JAK1: variants seen among roughly 807,000 people sequenced by gnomAD.
JAK1 encodes tyrosine-protein kinase JAK1.
JAK1 carries 16 observed loss-of-function variants against 136.6 expected under a neutral mutation model. That is an observed-to-expected ratio of 0.12 (90% CI 0.08 to 0.18). The LOEUF is 0.18. Ranked by LOEUF, JAK1 falls within the 10% of genes least tolerant of loss-of-function variation. The pLI is 1.00. For synonymous variants in JAK1, 492 were observed against 519.5 expected (o/e 0.95, Z 0.72); for missense variants, 859 against 1,450.1 (o/e 0.59, Z 6.62).
chr1:64,994,767 T>G (rs1646688799), intron 2 of JAK1, among the ~76,000 whole-genome samples: 1 of 152,012 alleles, frequency 6.6e-6, no homozygotes, highest in South Asian at 2.1e-4. Flanking sequence ...AAGCACTGGA[T>G]TTGTCATTAA....
chr1:64,883,132 T>C (rs564295039), intron 3 of JAK1, 145 bp downstream of exon 3: 2 of 588,296 alleles, frequency 3.4e-6, no homozygotes, highest in South Asian at 5.4e-5. Flanking sequence ...CACGTGCAAG[T>C]GGCAGTGGCA....
chr1:64,838,911 C>T (rs71647464), intron 20 of JAK1, among the ~76,000 whole-genome samples: 11,543 of 151,796 alleles, frequency 0.076, 568 homozygotes, highest in Non-Finnish European at 0.1. Context: ...TTTGGGAGGC[C>T]GAGGCGGGCG....
At chr1:65,038,073 C>A (rs545138079) in intron 2 of JAK1, among the ~76,000 whole-genome samples, 2 of 152,044 alleles carry the variant, frequency 1.3e-5, no homozygotes, top group Admixed American at 1.3e-4. Context: ...TCCCTTCTTA[C>A]GTGGGAATGT....
At chr1:64,882,146 G>A (rs1261097518) in intron 3 of JAK1, among the ~76,000 whole-genome samples, 2 of 152,196 alleles carry the variant, frequency 1.3e-5, no homozygotes, top group Non-Finnish European at 1.5e-5. Flanking sequence ...TAGTCAGTAA[G>A]AGCCTACTAC....
intron 2 of JAK1, among the ~76,000 whole-genome samples, chr1:65,017,552 T>C (rs1241385506): frequency 6.6e-6 from 1 of 152,186 alleles, no homozygotes; most frequent in Non-Finnish European, 1.5e-5. Context: ...TATCTATATT[T>C]CATTCAACAA....
chr1:64,892,077 T>C (rs556012200), intron 1 of JAK1, among the ~76,000 whole-genome samples: 3 of 152,388 alleles, frequency 2.0e-5, no homozygotes, highest in South Asian at 2.1e-4. Context: ...CAAGAGACTT[T>C]GTTACTTTTC....
intron 1 of JAK1, among the ~76,000 whole-genome samples, chr1:64,914,617 G>A (rs372262683): frequency 1.8e-4 from 27 of 152,252 alleles, no homozygotes; most frequent in South Asian, 1.7e-3. Flanking sequence ...AGGCTGGAGC[G>A]CAGTGGCGTG....
At chr1:64,870,119 T>C (rs310234) in intron 5 of JAK1, among the ~76,000 whole-genome samples, 3,081 of 152,304 alleles carry the variant, frequency 0.02, 108 homozygotes, top group African/African-American at 0.071. Context: ...CCCAGCTTTG[T>C]ACAGAGTGAA....
intron 1 of JAK1, among the ~76,000 whole-genome samples, chr1:64,904,867 T>C (rs976078499): frequency 2.6e-5 from 4 of 152,198 alleles, no homozygotes; most frequent in African/African-American, 9.7e-5. Context: ...GAGCCATTTT[T>C]GCAATTTTAC....
chr1:65,042,653 TG>T (rs1393494048), intron 2 of JAK1, among the ~76,000 whole-genome samples: 1 of 152,220 alleles, frequency 6.6e-6, no homozygotes, highest in Non-Finnish European at 1.5e-5. Context: ...ACTAGGTACC[TG>T]TCAAATCCAG....
intron 21 of JAK1, 24 bp from the exon 22 acceptor site, chr1:64,838,128 A>G (rs1321939001): frequency 6.2e-7 from 1 of 1,600,072 alleles, no homozygotes; most frequent in Non-Finnish European, 8.5e-7. Context: ...GTAAAAGTCA[A>G]GCACATTGCT....
At chr1:65,045,651 G>T (rs1647177258) in intron 1 of JAK1, among the ~76,000 whole-genome samples, 2 of 152,184 alleles carry the variant, frequency 1.3e-5, no homozygotes, top group Admixed American at 6.6e-5. Context: ...GACTAAATGA[G>T]ATCAACAGAT....
At chr1:64,860,853 T>TGTGTGTGTGTGTGTG (rs1656270318) in intron 8 of JAK1, among the ~76,000 whole-genome samples, 2 of 147,866 alleles carry the variant, frequency 1.4e-5, no homozygotes, top group Admixed American at 1.4e-4. Context: ...TGTGTGTGTG[T>TGTGTGTGTGTGTGTG]GTGTGTGTTG....
chr1:64,861,159 C>T (rs1052088096), intron 8 of JAK1, among the ~76,000 whole-genome samples: 7 of 152,034 alleles, frequency 4.6e-5, no homozygotes, highest in Admixed American at 2.0e-4. Context: ...ATGGCTAAAT[C>T]GGCATTATTC....
chr1:64,963,702 A>G (rs1049955750), intron 1 of JAK1, among the ~76,000 whole-genome samples: 1 of 152,178 alleles, frequency 6.6e-6, no homozygotes, highest in Non-Finnish European at 1.5e-5. Flanking sequence ...CAGGGAGAAT[A>G]TTTTTATCTC....
intron 1 of JAK1, among the ~76,000 whole-genome samples, chr1:65,048,746 G>A (rs1372479018): frequency 1.3e-5 from 2 of 152,230 alleles, no homozygotes; most frequent in Non-Finnish European, 2.9e-5. Flanking sequence ...ATCAGCCTGA[G>A]TTTCCCAGAC....
intron 1 of JAK1, among the ~76,000 whole-genome samples, chr1:64,945,101 T>C (rs767846462): frequency 6.6e-6 from 1 of 151,886 alleles, no homozygotes; most frequent in African/African-American, 2.4e-5. Context: ...GGCACCTGCT[T>C]GGAAAGCACT....
intron 2 of JAK1, among the ~76,000 whole-genome samples, chr1:64,989,063 ACG>A (rs1336248293): frequency 6.9e-6 from 1 of 145,578 alleles, no homozygotes; most frequent in Non-Finnish European, 1.5e-5. Context: ...ATGGTGGCTC[ACG>A]CCTGTAATCC....
chr1:64,837,982 G>A lies in JAK1; in HGVS notation c.3090C>T (p.Thr1030=), dbSNP rs751184305. The A allele has an allele frequency of 2.0e-5, 32 of 1,613,992 alleles. No individual in the cohort carries two copies. The highest frequency in any genetic ancestry group is 4.0e-5 in the African/African-American group (3 of 74,896). Residue 1030 remains threonine (T), a synonymous_variant, in exon 22 of 25, where the codon ACC becomes ACT. Coordinates refer to ENST00000342505, the MANE Select transcript of JAK1 (RefSeq NM_002227.4). ...CCTTGACGGTGTAATACTCCTTATC[G>A]GTTTCAATTGCTTTGGTTAAACCGA... ...GDFGLTKAIE[T]DKEYYTVKDD...
Sources: allele counts gnomAD v4.1 joint callset (sites outside exome capture counted in the v4.1 genomes callset), GRCh38; gene constraint gnomAD v4.1.1; transcripts MANE v1.5; gene names NCBI Gene and HGNC (gene_info 2026-07-23, HGNC 2026-07-21).